Variants in CHCT1 observed in about 807,000 individuals in gnomAD.
CHCT1 encodes the protein CHD1 helical C-terminal domain containing protein 1.
the CHCT1 span, chr17:60,429,416 G>A: frequency 6.2e-7 from 1 of 1,614,250 alleles, no homozygotes; most frequent in South Asian, 1.1e-5. Flanking sequence ...CGACCGGGAA[G>A]ACAGTCTGCC....
At chr17:60,424,073 G>A in the CHCT1 span, among the ~76,000 whole-genome samples, 1 of 152,164 alleles carries the variant, frequency 6.6e-6, no homozygotes, top group African/African-American at 2.4e-5. Context: ...AGGAGGGCGT[G>A]TCAGGCTCTT....
the CHCT1 span, among the ~76,000 whole-genome samples, chr17:60,423,251 G>T: frequency 1.3e-5 from 2 of 151,646 alleles, no homozygotes; most frequent in Admixed American, 6.6e-5. Flanking sequence ...GACTGCAGTG[G>T]CATGATCTTG....
chr17:60,427,163 G>C, the CHCT1 span, among the ~76,000 whole-genome samples: 1 of 152,228 alleles, frequency 6.6e-6, no homozygotes, highest in African/African-American at 2.4e-5. Flanking sequence ...CCTCCTTGTG[G>C]AGCAGGGCTA....
the CHCT1 span, chr17:60,426,585 C>T: frequency 7.6e-7 from 1 of 1,316,892 alleles, no homozygotes; most frequent in Non-Finnish European, 1.0e-6. Flanking sequence ...CCCACCCCTC[C>T]ATTCCCCCAA....
the CHCT1 span, chr17:60,422,406 C>T: frequency 2.1e-6 from 3 of 1,439,344 alleles, no homozygotes; most frequent in African/African-American, 4.3e-5. Context: ...GCAGCCACCC[C>T]TAAGAATGAG....
At chr17:60,422,949 C>G in the CHCT1 span, among the ~76,000 whole-genome samples, 3 of 151,976 alleles carry the variant, frequency 2.0e-5, no homozygotes, top group African/African-American at 4.8e-5. Flanking sequence ...GTTGATCAGC[C>G]AGAGTCCTGT....
At chr17:60,422,550 C>T in the CHCT1 span, 21 of 1,546,370 alleles carry the variant, frequency 1.4e-5, no homozygotes, top group African/African-American at 2.1e-4. Flanking sequence ...CCAGAGGGGA[C>T]GTGGGGAGTG....
the CHCT1 span, among the ~76,000 whole-genome samples, chr17:60,429,012 C>T: frequency 6.6e-6 from 1 of 151,782 alleles, no homozygotes; most frequent in Non-Finnish European, 1.5e-5. Context: ...TAGGGATTCT[C>T]CTGCCTCAGC....
At chr17:60,426,273 G>C in the CHCT1 span, 4 of 1,551,796 alleles carry the variant, frequency 2.6e-6, no homozygotes, top group Non-Finnish European at 3.5e-6. Flanking sequence ...GTGGTCCTAG[G>C]GGACCACATC....
chr17:60,425,105 CCA>C, the CHCT1 span, among the ~76,000 whole-genome samples: 1 of 152,212 alleles, frequency 6.6e-6, no homozygotes, highest in Non-Finnish European at 1.5e-5. Context: ...ATCAATGGCC[CCA>C]GTTTTTTCAA....
At chr17:60,426,199 A>C in the CHCT1 span, 17 of 1,551,776 alleles carry the variant, frequency 1.1e-5, no homozygotes, top group Non-Finnish European at 1.5e-5. Flanking sequence ...AGTTCCTGCG[A>C]AAGTTGCACC....
At chr17:60,421,811 G>A in the CHCT1 span, 1 of 973,278 alleles carries the variant, frequency 1.0e-6, no homozygotes, top group Non-Finnish European at 1.2e-6. Flanking sequence ...CGGGGTGGCG[G>A]GACTTTCGCC....
the CHCT1 span, among the ~76,000 whole-genome samples, chr17:60,424,779 A>G: frequency 6.6e-6 from 1 of 152,032 alleles, no homozygotes. Context: ...AGGCTGAGGC[A>G]GGAGAATCGC....
At chr17:60,425,874 C>T in the CHCT1 span, 1 of 1,551,012 alleles carries the variant, frequency 6.4e-7, no homozygotes, top group South Asian at 1.2e-5. Context: ...GATCAGGACA[C>T]CTTCAAAACT....
the CHCT1 span, among the ~76,000 whole-genome samples, chr17:60,423,774 A>G: frequency 2.0e-5 from 3 of 152,206 alleles, no homozygotes; most frequent in African/African-American, 7.2e-5. Flanking sequence ...CCTAATTTTC[A>G]GCTTTCTTTG....
At chr17:60,426,160 G>A in the CHCT1 span, 13 of 1,551,464 alleles carry the variant, frequency 8.4e-6, no homozygotes, top group Middle Eastern at 1.7e-4. Context: ...TGCCTCCTCA[G>A]TGTAAAGAAT....
chr17:60,426,311 G>A, the CHCT1 span: 1 of 1,550,978 alleles, frequency 6.4e-7, no homozygotes, highest in African/African-American at 1.4e-5. Flanking sequence ...TTACTGCCAA[G>A]CCTGGGAAAT....
chr17:60,426,969 C>G, the CHCT1 span: 1 of 1,416,904 alleles, frequency 7.1e-7, no homozygotes, highest in African/African-American at 1.4e-5. Context: ...TGACCTTTAC[C>G]CCTGCCCTGG....
the CHCT1 span, chr17:60,425,924 C>T: frequency 6.7e-7 from 1 of 1,501,694 alleles, no homozygotes; most frequent in Non-Finnish European, 9.1e-7. Context: ...CCCCTTTTCC[C>T]CATTGGTCAG....
Sources: allele counts gnomAD v4.1 joint callset (sites outside exome capture counted in the v4.1 genomes callset), GRCh38; gene constraint gnomAD v4.1.1; transcripts MANE v1.5; gene names NCBI Gene and HGNC (gene_info 2026-07-23, HGNC 2026-07-21).